Variants in MACROH2A1 observed in about 807,000 individuals in gnomAD.
MACROH2A1 encodes the protein core histone macro-H2A.1.
A neutral mutation model predicts 31.6 loss-of-function variants in MACROH2A1; 2 were observed. The observed-to-expected ratio is 0.06, with a 90% CI of 0.03 to 0.20. The LOEUF (loss-of-function observed/expected upper bound fraction) is 0.20, where lower values mean the gene tolerates loss of function less well. MACROH2A1 is among the 10% of genes least tolerant of loss of function. MACROH2A1 has a pLI of 1.00. For missense variants in MACROH2A1, 230 were observed against 474.0 expected (o/e 0.49, Z 4.78); for synonymous variants, 169 against 189.6 (o/e 0.89, Z 0.89).
intron 8 of MACROH2A1, among the ~76,000 whole-genome samples, chr5:135,336,887 G>A (rs942973316): frequency 2.6e-5 from 4 of 152,182 alleles, no homozygotes; most frequent in African/African-American, 9.7e-5. Context: ...CATTTTTGGG[G>A]GGCATCTTTC....
At chr5:135,386,768 T>C (rs1766465767) in intron 2 of MACROH2A1, among the ~76,000 whole-genome samples, 2 of 152,192 alleles carry the variant, frequency 1.3e-5, no homozygotes, top group South Asian at 2.1e-4. Flanking sequence ...CCGGTAGTAG[T>C]TGCCTGAGAT....
intron 7 of MACROH2A1, chr5:135,345,691 C>T (rs1760725536): frequency 5.2e-6 from 2 of 381,476 alleles, no homozygotes; most frequent in East Asian, 4.7e-5. Flanking sequence ...CTTAGATGTA[C>T]CAAACTCAGC....
intron 2 of MACROH2A1, among the ~76,000 whole-genome samples, chr5:135,371,924 C>T (rs528644730): frequency 8.2e-4 from 125 of 152,216 alleles, no homozygotes; most frequent in African/African-American, 2.8e-3. Flanking sequence ...TACGGTATGA[C>T]ACAGGGCATG....
chr5:135,380,503 C>T (rs1243150695), intron 2 of MACROH2A1, among the ~76,000 whole-genome samples: 1 of 152,046 alleles, frequency 6.6e-6, no homozygotes, highest in Non-Finnish European at 1.5e-5. Context: ...TTAGAACACA[C>T]ACTTGGGTTC....
At position 135,334,723 on chromosome 5, in the gene MACROH2A1, C is replaced by T; in HGVS notation, c.*253G>A. The T allele has an allele frequency of 2.5e-6, 1 of 401,792 alleles. No individual in the cohort carries two copies. The highest frequency in any genetic ancestry group is 4.6e-5 in the South Asian group (1 of 21,904). The allele number at this position is 401,792 out of a possible 1,614,324, so 24.9% of individuals were successfully genotyped here. On this transcript the variant is annotated 3_prime_UTR_variant, in exon 9 of 9. Transcript: ENST00000511689. ...TCATTAAAATAAAACTATAAAATCT[C>T]CTAGGTTACACTAAGTCAGACACGG... is the stretch of plus-strand genomic sequence containing the variant.
intron 8 of MACROH2A1, among the ~76,000 whole-genome samples, chr5:135,337,765 G>A (rs1474866924): frequency 6.6e-6 from 1 of 152,196 alleles, no homozygotes. Context: ...AAATGTTTTA[G>A]ACTTGCAGTG....
rs772555999 is a variant in MACROH2A1 at position 135,360,565 on chromosome 5, T to C, written c.520A>G (p.Thr174Ala). Residue 174 changes from threonine to alanine, a missense_variant, in exon 5 of 9, where the codon ACA (threonine) becomes GCA (alanine). Physicochemically the swap from Thr to Ala is moderately conservative, Grantham distance 58. Around this residue, in one of 2 missense-constraint regions of MACROH2A1, gnomAD observed 183 missense variants for 319.3 expected, o/e 0.57. Coordinates refer to ENST00000511689, the MANE Select transcript of MACROH2A1 (RefSeq NM_138610.3). Reference sequence around the variant, plus strand: ...CCGTCGGCAGGTGTGCCCTCGGTTGTGCTGTCGGCGCTGGCTGCCTTACTG... The same window carrying C: ...CCGTCGGCAGGTGTGCCCTCGGTTGCGCTGTCGGCGCTGGCTGCCTTACTG... ...EVSKAASADS[T>A]TEGTPADGFT... The C allele has an allele frequency of 1.2e-6, 2 of 1,614,118 alleles. No individual in the cohort carries two copies.
rs370779480 is a variant in MACROH2A1, at chr5:135,389,111, C to T, written c.-18G>A. On this transcript the variant is annotated 5_prime_UTR_variant, in exon 2 of 9. Transcript: ENST00000511689. ...CTCGACATGGCGGTGGCCCTGGAGG[C>T]GGATCAGTGAGCACACTGTGAAGGC... 8.3e-5 allele frequency: 134 copies of T among 1,608,710 alleles called. No individual in the cohort carries two copies. Among genetic ancestry groups the T allele is most frequent in the South Asian group, 6.5e-4 (59 of 90,624 alleles).
intron 2 of MACROH2A1, among the ~76,000 whole-genome samples, chr5:135,385,704 G>A (rs921589974): frequency 2.6e-5 from 4 of 152,180 alleles, no homozygotes; most frequent in Non-Finnish European, 5.9e-5. Flanking sequence ...GGGCTGGCTG[G>A]CACCTCTCCA....
At chr5:135,371,479 T>C (rs1764171237) in intron 2 of MACROH2A1, among the ~76,000 whole-genome samples, 1 of 152,246 alleles carries the variant, frequency 6.6e-6, no homozygotes, top group Admixed American at 6.5e-5. Flanking sequence ...AACCCATAGT[T>C]AGTACTAAGT....
chr5:135,355,124 GGAAGAC>G (rs1762015822), intron 5 of MACROH2A1: 1 of 455,976 alleles, frequency 2.2e-6, no homozygotes, highest in Non-Finnish European at 4.4e-6. Context: ...CAGCTAGCCA[GGAAGAC>G]CCCCTCAGTG....
chr5:135,375,963 C>G (rs1307822655), intron 2 of MACROH2A1, among the ~76,000 whole-genome samples: 1 of 152,130 alleles, frequency 6.6e-6, no homozygotes, highest in African/African-American at 2.4e-5. Flanking sequence ...CTCCAATTCC[C>G]TTGGTGGCTC....
chr5:135,350,249 A>G (rs970332944), intron 6 of MACROH2A1, among the ~76,000 whole-genome samples: 1 of 151,992 alleles, frequency 6.6e-6, no homozygotes, highest in Non-Finnish European at 1.5e-5. Flanking sequence ...TAAGGATACC[A>G]TGTCAGATTG....
At chr5:135,390,895 T>C (rs1767139231) in intron 1 of MACROH2A1, among the ~76,000 whole-genome samples, 1 of 152,176 alleles carries the variant, frequency 6.6e-6, no homozygotes, top group Admixed American at 6.5e-5. Flanking sequence ...GGCTACTGTG[T>C]AGACAGGCCC....
chr5:135,363,277 A>G (rs1763077357), intron 4 of MACROH2A1, among the ~76,000 whole-genome samples: 1 of 151,970 alleles, frequency 6.6e-6, no homozygotes, highest in Non-Finnish European at 1.5e-5. Flanking sequence ...GTAGTAAAGC[A>G]CTCCAGAGAC....
At chr5:135,394,877 G>C (rs1767752555) in intron 1 of MACROH2A1, among the ~76,000 whole-genome samples, 2 of 152,224 alleles carry the variant, frequency 1.3e-5, no homozygotes, top group Admixed American at 6.5e-5. Flanking sequence ...AGTTGGCACT[G>C]ACAGTGGATA....
chr5:135,392,793 C>A (rs1485546155), intron 1 of MACROH2A1, among the ~76,000 whole-genome samples: 1 of 152,240 alleles, frequency 6.6e-6, no homozygotes, highest in East Asian at 1.9e-4. Context: ...ATGGCTCTGC[C>A]GCTTACTGGC....
At position 135,389,013 on chromosome 5, in the gene MACROH2A1, C is replaced by T; in HGVS notation, c.81G>A (p.Arg27=). ...AKAGVIFPVG[R]MLRYIKKGHP... ...GGCCTTTCTTGATGTACCGCAGCAT[C>T]CGCCCCACGGGAAAGATGACTCCTG... is the stretch of plus-strand genomic sequence containing the variant. The change falls in exon 2 of 9, where the codon CGG becomes CGA. Residue 27 remains arginine, a synonymous_variant. Coordinates refer to ENST00000511689, the MANE Select transcript of MACROH2A1 (RefSeq NM_138610.3). 6.2e-7 allele frequency: 1 copy of T among 1,614,024 alleles called. No individual in the cohort carries two copies.
intron 8 of MACROH2A1, among the ~76,000 whole-genome samples, chr5:135,339,077 G>A (rs1396103580): frequency 1.3e-5 from 2 of 152,158 alleles, no homozygotes; most frequent in Non-Finnish European, 2.9e-5. Context: ...TTGTGTTTAT[G>A]GCATGTTCCT....
Sources: allele counts gnomAD v4.1 joint callset (sites outside exome capture counted in the v4.1 genomes callset), GRCh38; gene constraint gnomAD v4.1.1; regional missense constraint gnomAD v4.1.1; transcripts MANE v1.5; gene names NCBI Gene and HGNC (gene_info 2026-07-23, HGNC 2026-07-21).